Variants in INPP4B observed in about 807,000 individuals in gnomAD.
INPP4B encodes the protein inositol polyphosphate 4-phosphatase type II.
A neutral mutation model predicts 122.5 loss-of-function variants in INPP4B; 55 were observed. The observed-to-expected ratio is 0.45, with a 90% CI of 0.36 to 0.56. INPP4B has a LOEUF of 0.56. Among genes scored for constraint, INPP4B ranks in the 20% least tolerant of loss-of-function variants. The probability of loss-of-function intolerance (pLI) is 0.00; values close to 1 mark genes in which losing one functional copy is unlikely to be tolerated. For synonymous variants in INPP4B, 403 were observed against 388.7 expected (o/e 1.04, Z -0.43); for missense variants, 1,000 against 1,097.7 (o/e 0.91, Z 1.26).
intron 2 of INPP4B, among the ~76,000 whole-genome samples, chr4:142,601,930 C>A (rs1740050929): frequency 2.2e-5 from 3 of 139,030 alleles, no homozygotes; most frequent in South Asian, 4.6e-4. Flanking sequence ...GATTGCACCA[C>A]TGCACTCCAG....
intron 1 of INPP4B, among the ~76,000 whole-genome samples, chr4:142,800,916 G>A (rs2151089608): frequency 6.6e-6 from 1 of 152,176 alleles, no homozygotes; most frequent in South Asian, 2.1e-4. Context: ...ACAAACAAAG[G>A]GACTGTCTGA....
At chr4:142,268,884 T>TC (rs752618635) in intron 10 of INPP4B, among the ~76,000 whole-genome samples, 1 of 152,030 alleles carries the variant, frequency 6.6e-6, no homozygotes, top group African/African-American at 2.4e-5. Flanking sequence ...TTTGTTTTTT[T>TC]CCCCCGACGA....
chr4:142,346,180 C>T (rs988551019), intron 7 of INPP4B, among the ~76,000 whole-genome samples: 23 of 151,974 alleles, frequency 1.5e-4, no homozygotes, highest in African/African-American at 5.1e-4. Flanking sequence ...GTCTCTGCAG[C>T]CTAGGGATTT....
At chr4:142,470,899 T>C (rs541241662) in intron 2 of INPP4B, among the ~76,000 whole-genome samples, 1 of 152,196 alleles carries the variant, frequency 6.6e-6, no homozygotes, top group Non-Finnish European at 1.5e-5. Context: ...TCCTAAATAT[T>C]CAACAATAGA....
intron 9 of INPP4B, among the ~76,000 whole-genome samples, chr4:142,275,662 C>A (rs1748035270): frequency 6.6e-6 from 1 of 151,736 alleles, no homozygotes; most frequent in Non-Finnish European, 1.5e-5. Flanking sequence ...ACTAAACACA[C>A]CTCTATTCTG....
At chr4:142,633,963 C>G (rs1244309096) in intron 2 of INPP4B, among the ~76,000 whole-genome samples, 1 of 151,502 alleles carries the variant, frequency 6.6e-6, no homozygotes, top group Non-Finnish European at 1.5e-5. Flanking sequence ...GAGGTTGAGG[C>G]TCTGGTGAGC....
intron 4 of INPP4B, 109 bp downstream of exon 4, chr4:142,431,060 A>T: frequency 1.3e-6 from 1 of 754,176 alleles, no homozygotes; most frequent in Non-Finnish European, 2.2e-6. Flanking sequence ...GCCATTTATT[A>T]GAACCGAAGT....
At chr4:142,552,364 A>G (rs1170487457) in intron 2 of INPP4B, among the ~76,000 whole-genome samples, 2 of 152,086 alleles carry the variant, frequency 1.3e-5, no homozygotes, top group African/African-American at 4.8e-5. Flanking sequence ...CTCATAATAT[A>G]GAACCTTGAA....
chr4:142,198,549 T>A (rs1023035476), intron 14 of INPP4B, among the ~76,000 whole-genome samples: 2 of 151,912 alleles, frequency 1.3e-5, no homozygotes, highest in African/African-American at 4.8e-5. Context: ...AAAAAAATCC[T>A]TCCACAGTCT....
At chr4:142,423,436 AC>A (rs1469481228) in intron 5 of INPP4B, among the ~76,000 whole-genome samples, 1 of 152,076 alleles carries the variant, frequency 6.6e-6, no homozygotes, top group Non-Finnish European at 1.5e-5. Flanking sequence ...TAAATGGGCT[AC>A]TAAAATACAG....
intron 2 of INPP4B, among the ~76,000 whole-genome samples, chr4:142,561,961 AT>A (rs937382783): frequency 4.0e-4 from 61 of 151,404 alleles, no homozygotes; most frequent in Non-Finnish European, 7.2e-4. Flanking sequence ...TATATCTAGA[AT>A]TTTTTTTTGT....
intron 5 of INPP4B, among the ~76,000 whole-genome samples, chr4:142,416,375 C>G (rs1034520406): frequency 6.6e-6 from 1 of 152,004 alleles, no homozygotes; most frequent in African/African-American, 2.4e-5. Flanking sequence ...CTTTCCCAAA[C>G]CAAAATATTC....
intron 25 of INPP4B, chr4:142,030,324 G>C (rs1331966030): frequency 1.6e-5 from 24 of 1,530,112 alleles, no homozygotes; most frequent in East Asian, 7.4e-5. Flanking sequence ...GGGGAAGTTG[G>C]GGGGGAAAAG....
chr4:142,674,427 A>G (rs758021406), intron 2 of INPP4B, among the ~76,000 whole-genome samples: 2 of 152,108 alleles, frequency 1.3e-5, no homozygotes, highest in Non-Finnish European at 2.9e-5. Flanking sequence ...TTAAAAAACC[A>G]TAAGTGTTTA....
intron 21 of INPP4B, among the ~76,000 whole-genome samples, chr4:142,121,376 C>G (rs1024600388): frequency 1.3e-5 from 2 of 152,088 alleles, no homozygotes; most frequent in African/African-American, 4.8e-5. Context: ...GCATCTCTCT[C>G]TAGCATGAAA....
chr4:142,185,340 G>A (rs1243820691), intron 15 of INPP4B, among the ~76,000 whole-genome samples: 1 of 151,528 alleles, frequency 6.6e-6, no homozygotes. Context: ...GAAGATATGA[G>A]TAAAGTGGAG....
chr4:142,125,806 A>T (rs75066240), intron 18 of INPP4B, among the ~76,000 whole-genome samples: 2,869 of 152,244 alleles, frequency 0.019, 43 homozygotes, highest in South Asian at 0.046. Flanking sequence ...AGGGCAAGGA[A>T]TTCATTTTTT....
chr4:142,670,546 A>C (rs1400082813), intron 2 of INPP4B, among the ~76,000 whole-genome samples: 1 of 152,190 alleles, frequency 6.6e-6, no homozygotes, highest in Admixed American at 6.6e-5. Context: ...TAAGTCAGGC[A>C]CAAAAAAAAC....
intron 3 of INPP4B, among the ~76,000 whole-genome samples, chr4:142,434,168 C>T (rs779933418): frequency 1.6e-4 from 24 of 152,124 alleles, no homozygotes; most frequent in Non-Finnish European, 3.5e-4. Context: ...GTGCTAAATC[C>T]TTTACCTCTC....
Sources: gnomAD v4.1 joint callset for allele counts (sites outside exome capture counted in the v4.1 genomes callset) on GRCh38, gnomAD v4.1.1 for gene constraint, MANE v1.5 for transcripts, NCBI Gene and HGNC (gene_info 2026-07-23, HGNC 2026-07-21) for gene names.